NFATC2: variants seen among roughly 807,000 people sequenced by gnomAD.
NFATC2 encodes the protein nuclear factor of activated T cells 2, also known as nuclear factor of activated T-cells, cytoplasmic 2.
NFATC2 carries 22 observed loss-of-function variants against 87.3 expected under a neutral mutation model. The observed-to-expected ratio is 0.25, with a 90% confidence interval of 0.18 to 0.36. The LOEUF (loss-of-function observed/expected upper bound fraction) is 0.36, where lower values mean the gene tolerates loss of function less well. NFATC2 is among the 10% of genes least tolerant of loss of function. The pLI is 1.00. For synonymous variants in NFATC2, 565 were observed against 542.2 expected (o/e 1.04, Z -0.58); for missense variants, 1,149 against 1,259.1 (o/e 0.91, Z 1.32).
intron 5 of NFATC2, among the ~76,000 whole-genome samples, chr20:51,473,048 G>T (rs1385818726): frequency 6.6e-6 from 1 of 152,172 alleles, no homozygotes. Context: ...TTAAACTTAG[G>T]TATAAAGTAC....
intron 9 of NFATC2, among the ~76,000 whole-genome samples, chr20:51,400,432 A>C (rs1178924033): frequency 6.8e-6 from 1 of 146,914 alleles, no homozygotes. Flanking sequence ...CAAACCTTCA[A>C]ACACCAAACC....
intron 3 of NFATC2, among the ~76,000 whole-genome samples, chr20:51,481,155 T>C (rs1246588533): frequency 6.6e-6 from 1 of 152,182 alleles, no homozygotes; most frequent in Non-Finnish European, 1.5e-5. Flanking sequence ...TGGAAGAGCC[T>C]TCCTCGCCAG....
At chr20:51,468,115 T>G (rs928376320) in intron 5 of NFATC2, among the ~76,000 whole-genome samples, 3 of 152,146 alleles carry the variant, frequency 2.0e-5, no homozygotes, top group African/African-American at 7.2e-5. Flanking sequence ...CAGGGAAGAT[T>G]AATCAACCGT....
chr20:51,414,180 AGCCAGCCCAGG>A (rs199632833), intron 9 of NFATC2, among the ~76,000 whole-genome samples: 10 of 55,490 alleles, frequency 1.8e-4, no homozygotes, highest in Non-Finnish European at 4.4e-4. Flanking sequence ...CCATGTGCAA[AGCCAGCCCAGG>A]GGCAGTCAGC....
intron 9 of NFATC2, among the ~76,000 whole-genome samples, chr20:51,428,681 G>C (rs1982233761): frequency 6.6e-6 from 1 of 152,212 alleles, no homozygotes; most frequent in Non-Finnish European, 1.5e-5. Context: ...GGCGGGATCA[G>C]CTTCAAAGAT....
intron 9 of NFATC2, among the ~76,000 whole-genome samples, chr20:51,415,185 G>T (rs991128252): frequency 6.7e-6 from 1 of 149,344 alleles, no homozygotes; most frequent in African/African-American, 2.5e-5. Context: ...GTTTGAGGCT[G>T]CAGTGAGCCA....
At position 51,391,405 on chromosome 20, in the gene NFATC2, A is replaced by C; in HGVS notation, c.*91T>G. 7.1e-7 allele frequency: 1 copy of C among 1,410,704 alleles called. No individual in the cohort carries two copies. Among genetic ancestry groups the C allele is most frequent in the Non-Finnish European group, 9.5e-7 (1 of 1,053,576 alleles). The allele number at this position is 1,410,704 out of a possible 1,614,324, so 87.4% of individuals were successfully genotyped here. ...GCTATAATGGCTTCTTTTACGTCTG[A>C]TTTCTGGCAGGAGGTCCTGAAAACT... is the stretch of plus-strand genomic sequence containing the variant. On this transcript the variant is annotated 3_prime_UTR_variant, in exon 11 of 11. Coordinates refer to ENST00000371564, the MANE Select transcript of NFATC2 (RefSeq NM_012340.5).
chr20:51,464,907 C>T (rs1987523984), intron 5 of NFATC2, among the ~76,000 whole-genome samples: 1 of 152,234 alleles, frequency 6.6e-6, no homozygotes, highest in African/African-American at 2.4e-5. Flanking sequence ...ACAGTTTTTC[C>T]AGCCTCTTCT....
chr20:51,439,039 T>C (rs1490396836), intron 6 of NFATC2, among the ~76,000 whole-genome samples: 4 of 152,198 alleles, frequency 2.6e-5, no homozygotes, highest in African/African-American at 7.2e-5. Context: ...GGTGGGACCC[T>C]TGTAGGGTCA....
intron 3 of NFATC2, among the ~76,000 whole-genome samples, chr20:51,505,393 C>G (rs2146646410): frequency 6.6e-6 from 1 of 151,798 alleles, no homozygotes; most frequent in South Asian, 2.1e-4. Flanking sequence ...AATAAAAATA[C>G]AGGGGCACAG....
chr20:51,506,750 G>A (rs972338187), intron 3 of NFATC2, among the ~76,000 whole-genome samples: 4 of 5,388 alleles, frequency 7.4e-4, no homozygotes, highest in Admixed American at 3.7e-3. Context: ...AGATGGCTCG[G>A]GGGCCTGCGA....
At position 51,480,847 on chromosome 20, in the gene NFATC2, C is replaced by T. The variant is rs1039378944; in HGVS notation, c.1333-5187G>A. ...AACTTTCCTTGTCATCGGAGGATGA[C>T]GCAAATCGAAACAGGGAGGTGATAT... On this transcript the variant is annotated intron_variant, in intron 3 of 10. Coordinates refer to ENST00000371564, the MANE Select transcript of NFATC2 (RefSeq NM_012340.5). The surrounding 1 kb of genome is among the most constrained non-coding windows in gnomAD (Gnocchi z 4.2). 9.2e-5 allele frequency among the ~76,000 whole-genome samples: 14 copies of T among 152,090 alleles called. No homozygotes were observed. The highest frequency in any genetic ancestry group is 1.4e-4 in the African/African-American group (6 of 41,396).
intron 3 of NFATC2, among the ~76,000 whole-genome samples, chr20:51,494,222 G>A (rs985920304): frequency 2.0e-5 from 3 of 151,866 alleles, no homozygotes; most frequent in Non-Finnish European, 1.5e-5. Flanking sequence ...ACGCGGAGTG[G>A]GCACCAGGCA....
intron 9 of NFATC2, among the ~76,000 whole-genome samples, chr20:51,414,513 A>T (rs994119187): frequency 5.9e-5 from 9 of 151,894 alleles, no homozygotes; most frequent in Non-Finnish European, 1.2e-4. Context: ...ACATGGCAAA[A>T]CTCCATCTCT....
At chr20:51,484,029 G>A (rs905138759) in intron 3 of NFATC2, among the ~76,000 whole-genome samples, 1 of 151,932 alleles carries the variant, frequency 6.6e-6, no homozygotes, top group African/African-American at 2.4e-5. Context: ...CAAAAAGCCC[G>A]AGTCCTTACC....
intron 3 of NFATC2, among the ~76,000 whole-genome samples, chr20:51,509,059 GC>G (rs2146663133): frequency 6.6e-6 from 1 of 151,800 alleles, no homozygotes; most frequent in South Asian, 2.1e-4. Context: ...TCCCACACAG[GC>G]CTCCTCTCTG....
At chr20:51,562,640 C>G (rs1238318658), upstream of NFATC2, 1 of 1,549,986 alleles carries the variant, frequency 6.5e-7, no homozygotes. This position sits in a 1 kb window ranked among gnomAD's most constrained non-coding sequence, Gnocchi z 5.8. Context: ...CTGGAGGGCA[C>G]GGGGACTTGG....
intron 5 of NFATC2, among the ~76,000 whole-genome samples, chr20:51,470,717 G>A (rs143025162): frequency 6.4e-4 from 98 of 152,294 alleles, no homozygotes; most frequent in African/African-American, 2.3e-3. Context: ...CTCTGCCAGC[G>A]CGTGTTACGG....
Position 51,387,732 on chromosome 20 carries a change from C to T in NFATC2, c.*3764G>A, listed in dbSNP as rs1036290919. 2.6e-5 allele frequency: 4 copies of T among 152,094 alleles called. No homozygotes were observed. The highest frequency in any genetic ancestry group is 4.4e-5 in the Non-Finnish European group (3 of 68,018). The allele number at this position is 152,094 out of a possible 1,614,324, so 9.4% of individuals were successfully genotyped here. On this transcript the variant is annotated 3_prime_UTR_variant, in exon 11 of 11. Coordinates refer to ENST00000371564, the MANE Select transcript of NFATC2 (RefSeq NM_012340.5). ...GCTGGGTCACCGAGCACCTTGCCTC[C>T]GGGAAACAAGTTCGGGAAAGGTTAG... is the stretch of plus-strand genomic sequence containing the variant.
Sources: allele counts gnomAD v4.1 joint callset (sites outside exome capture counted in the v4.1 genomes callset), GRCh38; gene constraint gnomAD v4.1.1; non-coding constraint Gnocchi (gnomAD v3.1); transcripts MANE v1.5; gene names NCBI Gene and HGNC (gene_info 2026-07-23, HGNC 2026-07-21).